PAX2: variants seen among roughly 807,000 people sequenced by gnomAD.
The protein encoded by PAX2 is paired box 2, also known as paired box protein Pax-2.
Under a neutral mutation model 41.7 loss-of-function variants are expected in PAX2, and 9 were observed. That is an observed-to-expected ratio of 0.22 (90% CI 0.13 to 0.38). PAX2 has a LOEUF of 0.38. PAX2 is among the 10% of genes least tolerant of loss of function. The probability of loss-of-function intolerance (pLI) is 1.00; values close to 1 mark genes in which losing one functional copy is unlikely to be tolerated. For missense variants in PAX2, 418 were observed against 531.6 expected, an observed-to-expected ratio of 0.79 and a Z score of 2.10; for synonymous variants, 221 against 212.7, an observed-to-expected ratio of 1.04 and a Z score of -0.34.
At chr10:100,743,427 G>T (rs1417315245), upstream of PAX2, among the ~76,000 whole-genome samples, 1 of 53,068 alleles carries the variant, frequency 1.9e-5, no homozygotes, top group East Asian at 2.1e-4. Flanking sequence ...TGTGTGGAAG[G>T]GGGGGGGTTT....
intron 5 of PAX2, among the ~76,000 whole-genome samples, chr10:100,803,257 C>T (rs1041916865): frequency 2.0e-5 from 3 of 152,082 alleles, no homozygotes; most frequent in Non-Finnish European, 2.9e-5. Flanking sequence ...GCTTCTGGTG[C>T]GGAAGGCTTC....
intron 5 of PAX2, among the ~76,000 whole-genome samples, chr10:100,789,355 C>T (rs895031225): frequency 1.3e-5 from 2 of 152,202 alleles, no homozygotes; most frequent in African/African-American, 4.8e-5. Context: ...ATCCACCCAC[C>T]TCAGCCTCCC....
At chr10:100,757,853 G>A (rs1845690111) in intron 3 of PAX2, among the ~76,000 whole-genome samples, 2 of 152,212 alleles carry the variant, frequency 1.3e-5, no homozygotes, top group African/African-American at 4.8e-5. Context: ...GGGAGCTGTT[G>A]AGGGTATGGG....
intron 3 of PAX2, among the ~76,000 whole-genome samples, chr10:100,760,716 A>T (rs1460788750): frequency 6.6e-6 from 1 of 151,694 alleles, no homozygotes; most frequent in Non-Finnish European, 1.5e-5. Context: ...CCCTTCCCCC[A>T]GTCCCTTACT....
chr10:100,824,957 A>G lies in PAX2; in HGVS notation c.1021+208A>G, dbSNP rs1189613390. The G allele has an allele frequency of 6.2e-7, 1 of 1,614,134 alleles. No homozygotes were observed. Among genetic ancestry groups the G allele is most frequent in the South Asian group, 1.1e-5 (1 of 91,084 alleles). ...TGAGCAAGCCGGGGAGGAAGCTTGC[A>G]GAAGTGCCCCCTTGTGTGCAACCCA... On this transcript the variant is annotated intron_variant, in intron 8 of 9. Transcript: ENST00000355243. This position sits in a 1 kb window ranked among gnomAD's most constrained non-coding sequence, Gnocchi z 6.6.
At chr10:100,799,243 C>T (rs547406371) in intron 5 of PAX2, among the ~76,000 whole-genome samples, 26 of 152,318 alleles carry the variant, frequency 1.7e-4, no homozygotes, top group South Asian at 1.5e-3. Context: ...GGTCCCCCCA[C>T]CTCCACGCTT....
At position 100,826,453 on chromosome 10, in the gene PAX2, C is replaced by G. The variant is rs1351644319; in HGVS notation, c.1022-556C>G. Among the ~76,000 whole-genome samples the G allele has an allele frequency of 6.6e-6, 1 of 152,186 alleles. No homozygotes were observed. The highest frequency in any genetic ancestry group is 6.5e-5 in the Admixed American group (1 of 15,288). On this transcript the variant is annotated intron_variant, in intron 8 of 9. Transcript: ENST00000355243. The surrounding 1 kb of genome is among the most constrained non-coding windows in gnomAD (Gnocchi z 5.5). ...CACCTGCGCCGCCTCCATCCCCTGCCGCGTAGCCCACGCATCCAACCTCTT... is the reference window on the plus strand; with the variant it reads ...CACCTGCGCCGCCTCCATCCCCTGCGGCGTAGCCCACGCATCCAACCTCTT...
intron 6 of PAX2, among the ~76,000 whole-genome samples, chr10:100,808,287 T>A (rs1311619128): frequency 1.3e-5 from 2 of 151,648 alleles, no homozygotes; most frequent in Admixed American, 6.6e-5. Flanking sequence ...CGAGAAGGAA[T>A]TGGAAATGAC....
chr10:100,794,088 A>C (rs990316958), intron 5 of PAX2, among the ~76,000 whole-genome samples: 25 of 152,156 alleles, frequency 1.6e-4, no homozygotes, highest in African/African-American at 6.0e-4. Context: ...GACAAGGCAG[A>C]GTGTCAGATT....
At chr10:100,756,104 G>A (rs529060540) in intron 3 of PAX2, among the ~76,000 whole-genome samples, 11 of 152,240 alleles carry the variant, frequency 7.2e-5, no homozygotes, top group East Asian at 1.9e-4. Context: ...ATGTGCTTGC[G>A]GACTAGAATG....
At chr10:100,753,278 G>T (rs1249342889) in intron 3 of PAX2, among the ~76,000 whole-genome samples, 1 of 152,120 alleles carries the variant, frequency 6.6e-6, no homozygotes, top group Admixed American at 6.5e-5. Flanking sequence ...AAAGAATTCT[G>T]GGGGCTTCCC....
intron 3 of PAX2, among the ~76,000 whole-genome samples, chr10:100,771,403 C>T (rs1351072169): frequency 6.6e-6 from 1 of 152,208 alleles, no homozygotes; most frequent in Non-Finnish European, 1.5e-5. Flanking sequence ...CCTCTAAACT[C>T]AGCCCAAACT....
intron 3 of PAX2, among the ~76,000 whole-genome samples, chr10:100,756,661 T>G (rs1845645038): frequency 1.3e-5 from 2 of 152,366 alleles, no homozygotes; most frequent in South Asian, 4.1e-4. Context: ...TATTTTCAAC[T>G]TATCGAGCCA....
chr10:100,759,752 G>C (rs1179076024), intron 3 of PAX2, among the ~76,000 whole-genome samples: 2 of 152,146 alleles, frequency 1.3e-5, no homozygotes, highest in African/African-American at 4.8e-5. Context: ...AGAGAGGAAG[G>C]ATTGGAGAGG....
At chr10:100,813,487 G>A (rs561479386) in intron 7 of PAX2, among the ~76,000 whole-genome samples, 2 of 152,346 alleles carry the variant, frequency 1.3e-5, no homozygotes, top group Admixed American at 1.3e-4. Context: ...GACTGGGAGA[G>A]GATGGGGTTG....
At position 100,745,685 on chromosome 10, in the gene PAX2, C is replaced by A. The variant is rs553389794; in HGVS notation, c.-576C>A. 264 of 935,222 alleles carry A rather than the reference C, an allele frequency of 2.8e-4. 1 individual carries two copies. In the African/African-American group the frequency reaches 4.4e-3, roughly 15 times the overall value. The allele number at this position is 935,222 out of a possible 1,614,324, so 57.9% of individuals were successfully genotyped here. Reference sequence around the variant, plus strand: ...CTCCCTCCCGGCCCTTCGGCCGCGGCGGCGTGCGCCTGCCTTTTCCGGGGG... The same window carrying A: ...CTCCCTCCCGGCCCTTCGGCCGCGGAGGCGTGCGCCTGCCTTTTCCGGGGG... On this transcript the variant is annotated 5_prime_UTR_variant, in exon 1 of 10. Transcript: ENST00000355243.
At chr10:100,813,954 TTAG>T (rs1848093062) in intron 7 of PAX2, among the ~76,000 whole-genome samples, 1 of 151,864 alleles carries the variant, frequency 6.6e-6, no homozygotes, top group Admixed American at 6.5e-5. Flanking sequence ...AAAGGGAAAG[TTAG>T]TAGAAGCAAT....
intron 1 of PAX2, among the ~76,000 whole-genome samples, chr10:100,738,867 C>A (rs1412883831): frequency 6.6e-6 from 1 of 152,072 alleles, no homozygotes; most frequent in Non-Finnish European, 1.5e-5. Context: ...TTCAGTTCAG[C>A]CCTTTTGTTT....
At chr10:100,766,125 G>C (rs144928695) in intron 3 of PAX2, among the ~76,000 whole-genome samples, 1 of 152,228 alleles carries the variant, frequency 6.6e-6, no homozygotes, top group African/African-American at 2.4e-5. Flanking sequence ...AGCAGAAGTA[G>C]GATTTGAACC....
Sources: allele counts gnomAD v4.1 joint callset (sites outside exome capture counted in the v4.1 genomes callset), GRCh38; gene constraint gnomAD v4.1.1; non-coding constraint Gnocchi (gnomAD v3.1); transcripts MANE v1.5; gene names NCBI Gene and HGNC (gene_info 2026-07-23, HGNC 2026-07-21).